Variants in TBX3 observed in about 807,000 individuals in gnomAD.
The protein encoded by TBX3 is T-box transcription factor 3, also known as T-box transcription factor TBX3.
Under a neutral mutation model 47.8 loss-of-function variants are expected in TBX3, and 11 were observed. The ratio of observed to expected loss-of-function variants is 0.23; its 90% CI spans 0.14 to 0.38. The LOEUF (loss-of-function observed/expected upper bound fraction) is 0.38. Among genes scored for constraint, TBX3 ranks in the 10% least tolerant of loss-of-function variants. The pLI is 1.00. For synonymous variants in TBX3, 500 were observed against 449.3 expected, an observed-to-expected ratio of 1.11 and a Z score of -1.43; for missense variants, 927 against 1,022.8, an observed-to-expected ratio of 0.91 and a Z score of 1.28.
Position 114,682,923 on chromosome 12 carries a change from A to T in TBX3, c.278T>A (p.Met93Lys), listed in dbSNP as rs1869002691. 4 of 1,614,016 alleles carry T rather than the reference A, an allele frequency of 2.5e-6. No individual in the cohort carries two copies. In the East Asian group the frequency reaches 8.9e-5, roughly 36 times the overall value. Residue 93 changes from methionine to lysine, a missense_variant, in exon 1 of 7, where the codon ATG becomes AAG. Physicochemically the swap from Met to Lys is moderately conservative, Grantham distance 95. This residue lies in a region of TBX3 where 216 missense variants were observed against 281.2 expected (regional missense o/e 0.77). Coordinates refer to ENST00000349155, the MANE Select transcript of TBX3 (RefSeq NM_005996.4). ...PQAHLRPLKT[M>K]EPEEEVEDDP... is the part of the protein sequence containing the mutation. ...GTCCTCCACCTCTTCTTCGGGCTCCATGGTCTTCAAAGGCCTCAGATGCGC... is the reference window on the plus strand; with the variant it reads ...GTCCTCCACCTCTTCTTCGGGCTCCTTGGTCTTCAAAGGCCTCAGATGCGC...
intron 6 of TBX3, among the ~76,000 whole-genome samples, chr12:114,672,671 A>G (rs1470332434): frequency 6.6e-6 from 1 of 152,100 alleles, no homozygotes; most frequent in Non-Finnish European, 1.5e-5. Flanking sequence ...CAGTGTGTGC[A>G]GCCCCCAGGA....
In TBX3 at chr12:114,674,216, C is replaced by T. The variant is rs768293237; in HGVS notation, c.1659G>A (p.Ala553=). The change falls in exon 6 of 7, where the codon GCG becomes GCA. Residue 553 remains alanine (A), a synonymous_variant. Transcript: ENST00000349155. ...SAAAAQGLSG[A]SAATLPFHLQ... is the part of the protein sequence containing the mutation. ...GGTGGAAGGGCAGGGTGGCCGCGGA[C>T]GCCCCGGACAGTCCCTGCGCCGCAG... 7 of 1,578,858 alleles carry T rather than the reference C, an allele frequency of 4.4e-6. No individual in the cohort carries two copies. Among genetic ancestry groups the T allele is most frequent in the Non-Finnish European group, 6.0e-6 (7 of 1,163,610 alleles).
chr12:114,684,071 G>GGAGAGA lies in TBX3; in HGVS notation c.-877_-872dup, dbSNP rs57078153. On this transcript the variant is annotated 5_prime_UTR_variant, in exon 1 of 7. Coordinates refer to ENST00000349155, the MANE Select transcript of TBX3 (RefSeq NM_005996.4). ...TGGAACAGAGGGAAAGAGAGGGAGG[G>GGAGAGA]GAGAGAGAGAGAGAGAGAGAGAGAC... 0.029 allele frequency: 6,339 copies of GGAGAGA among 220,928 alleles called. 83 individuals carry two copies. Among genetic ancestry groups the GGAGAGA allele is most frequent in the Admixed American group, 0.051 (870 of 17,032 alleles). 13.7% of individuals were successfully genotyped at this position (220,928 alleles called of 1,614,324 possible).
Position 114,674,558 on chromosome 12 carries a change from G to T in TBX3, c.1317C>A (p.Arg439=), listed in dbSNP as rs1162533759. 2 of 1,561,250 alleles carry T rather than the reference G, an allele frequency of 1.3e-6. No homozygotes were observed. The highest frequency in any genetic ancestry group is 3.7e-5 in the Admixed American group (2 of 53,594). The change falls in exon 6 of 7, where the codon CGC becomes CGA. Residue 439 remains arginine (R), a synonymous_variant. Transcript: ENST00000349155. The part of the protein sequence containing the change: ...LGAEERRSPV[R]EGTAPAKVEE... ...CCACCTTGGCCGGCGCTGTGCCCTC[G>T]CGAACCGGGCTCCTGCGCTCCTCCG...
At position 114,671,782 on chromosome 12, in the gene TBX3, C is replaced by T. The variant is rs1036658223; in HGVS notation, c.*59G>A. 3 of 1,542,798 alleles carry T rather than the reference C, an allele frequency of 1.9e-6. No homozygotes were observed. The highest frequency in any genetic ancestry group is 2.0e-5 in the Admixed American group (1 of 51,004). On this transcript the variant is annotated 3_prime_UTR_variant, in exon 7 of 7. Coordinates refer to ENST00000349155, the MANE Select transcript of TBX3 (RefSeq NM_005996.4). Reference sequence around the variant, plus strand: ...GCGGGCCCGTGGTTTATTTTATATCCGACAAAGTGCACGGCAGCCTGAACT... The same window carrying T: ...GCGGGCCCGTGGTTTATTTTATATCTGACAAAGTGCACGGCAGCCTGAACT...
Position 114,679,609 on chromosome 12 carries a change from T to C in TBX3, c.700A>G (p.Ile234Val), listed in dbSNP as rs117465019. The part of the protein sequence containing the change: ...SMHKYQPRFH[I>V]VRANDILKLP... ...TTCAAGATGTCATTGGCTCTTACAA[T>C]GTGGAACCGGGGCTGGTATTTGTGC... Residue 234 changes from isoleucine (I) to valine (V), a missense_variant, in exon 3 of 7, where the codon ATT becomes GTT. Around this residue, in one of 5 missense-constraint regions of TBX3, gnomAD observed 38 missense variants for 77.7 expected, o/e 0.49. Coordinates refer to ENST00000349155, the MANE Select transcript of TBX3 (RefSeq NM_005996.4). 2.7e-4 allele frequency: 439 copies of C among 1,614,150 alleles called. No individual in the cohort carries two copies. Among genetic ancestry groups the C allele is most frequent in the Non-Finnish European group, 3.6e-4 (422 of 1,180,008 alleles).
At position 114,671,847 on chromosome 12, in the gene TBX3, G is replaced by C; in HGVS notation, c.2166C>G (p.Ser722=). 1 of 1,555,988 alleles carries C rather than the reference G, an allele frequency of 6.4e-7. No individual in the cohort carries two copies. The highest frequency in any genetic ancestry group is 8.7e-7 in the Non-Finnish European group (1 of 1,150,340). Residue 722 remains serine (S), a synonymous_variant, in exon 7 of 7, where the codon TCC becomes TCG. Transcript: ENST00000349155. ...EAKPDRSRSA[S]P is the part of the protein sequence containing the mutation. The stretch of plus-strand genomic sequence containing the variant: ...AGACGTGTCTGGGACGGGTCTACGG[G>C]GACGCGCTGCGGGACCTGTCCGGCT...
rs752349874 is a variant in TBX3 at position 114,679,673 on chromosome 12, G to A, written c.658-22C>T. 12 of 1,614,008 alleles carry A rather than the reference G, an allele frequency of 7.4e-6. No individual in the cohort carries two copies. The Admixed American group carries it at 8.3e-5, about 11-fold the overall frequency. ...TAGTCTGCAGGGGCAGGGAAGAGGA[G>A]ACATACATAAAACAAGGATTTAGCA... On this transcript the variant is annotated intron_variant, in intron 2 of 6. Coordinates refer to ENST00000349155, the MANE Select transcript of TBX3 (RefSeq NM_005996.4).
rs753940578 is a variant in TBX3, at chr12:114,672,282, G to A, written c.1731C>T (p.Phe577=). Residue 577 remains phenylalanine, a synonymous_variant, in exon 7 of 7, where the codon TTC becomes TTT. Transcript: ENST00000349155. The part of the protein sequence containing the change: ...LASQGLAMSP[F]GSLFPYPYTY... ...TGTAGGGGTAAGGGAACAGGCTTCC[G>A]AAAGGGGACATGGCCAGGCCCTGGG... 1 of 1,569,134 alleles carries A rather than the reference G, an allele frequency of 6.4e-7. No individual in the cohort carries two copies. Among genetic ancestry groups the A allele is most frequent in the Admixed American group, 1.9e-5 (1 of 52,774 alleles).
chr12:114,672,307 G>A lies in TBX3; in HGVS notation c.1711-5C>T. ...GAAAGGGGACATGGCCAGGCCCTGGGGTGAGAAAAGAGACACACAGCGAGT... is the reference window on the plus strand; with the variant it reads ...GAAAGGGGACATGGCCAGGCCCTGGAGTGAGAAAAGAGACACACAGCGAGT... On this transcript the variant is annotated splice_region_variant and splice_polypyrimidine_tract_variant and intron_variant, in intron 6 of 6. Coordinates refer to ENST00000349155, the MANE Select transcript of TBX3 (RefSeq NM_005996.4). 6.5e-7 allele frequency: 1 copy of A among 1,539,078 alleles called. No homozygotes were observed. Among genetic ancestry groups the A allele is most frequent in the Non-Finnish European group, 8.7e-7 (1 of 1,145,652 alleles).
Position 114,683,070 on chromosome 12 carries a change from A to G in TBX3, c.131T>C (p.Leu44Pro), listed in dbSNP as rs1869014259. 1 of 1,609,980 alleles carries G rather than the reference A, an allele frequency of 6.2e-7. No individual in the cohort carries two copies. The highest frequency in any genetic ancestry group is 8.5e-7 in the Non-Finnish European group (1 of 1,177,460). The change falls in exon 1 of 7, where the codon CTG becomes CCG. Residue 44 changes from leucine (L) to proline (P), a missense_variant. Around this residue, in one of 5 missense-constraint regions of TBX3, gnomAD observed 216 missense variants for 281.2 expected, o/e 0.77. Coordinates refer to ENST00000349155, the MANE Select transcript of TBX3 (RefSeq NM_005996.4). This position sits in a 1 kb window ranked among gnomAD's most constrained non-coding sequence, Gnocchi z 7.7. ...LGHQPPFFPA[L>P]TLPPNGAAAL... Reference sequence around the variant, plus strand: ...CGCCGCGCCGTTGGGAGGCAGCGTCAGCGCGGGGAAGAACGGCGGCTGGTG... The same window carrying G: ...CGCCGCGCCGTTGGGAGGCAGCGTCGGCGCGGGGAAGAACGGCGGCTGGTG...
At chr12:114,673,714 A>G (rs1868558006) in intron 6 of TBX3, among the ~76,000 whole-genome samples, 1 of 152,218 alleles carries the variant, frequency 6.6e-6, no homozygotes, top group Non-Finnish European at 1.5e-5. Flanking sequence ...CCCTGGAGTC[A>G]GATAGCCTGG....
chr12:114,674,946 A>C (rs1459552990), intron 5 of TBX3, 111 bp from the exon 6 acceptor site: 1 of 1,403,544 alleles, frequency 7.1e-7, no homozygotes, highest in Admixed American at 2.0e-5. Context: ...GTGGCTGTGT[A>C]ATCCCGGGGA....
chr12:114,679,971 G>A (rs1415906300), intron 2 of TBX3: 1 of 1,613,978 alleles, frequency 6.2e-7, no homozygotes, highest in Admixed American at 1.7e-5. Context: ...GAAGGCCAAA[G>A]TCTTAAAAGA....
intron 5 of TBX3, among the ~76,000 whole-genome samples, chr12:114,675,633 AGTGTGTGTGTGT>A (rs3068612): frequency 0.14 from 21,325 of 149,982 alleles, 1,544 homozygotes; most frequent in Non-Finnish European, 0.15. Flanking sequence ...TCCCGTTGAG[AGTGTGTGTGTGT>A]GTGTGTGTGT....
chr12:114,672,323 C>G (rs1243827803), intron 6 of TBX3, 21 bp from the exon 7 acceptor site: 2 of 1,512,456 alleles, frequency 1.3e-6, no homozygotes, highest in African/African-American at 2.8e-5. Flanking sequence ...AAAAGAGACA[C>G]ACAGCGAGTC....
rs780056112 is a variant in TBX3 at position 114,671,339 on chromosome 12, T to C, written c.*502A>G. The stretch of plus-strand genomic sequence containing the variant: ...CCCCAAACAAAGCTGCTCAGTAATT[T>C]ATTGAGAACCGATAATGCAAGTCCC... On this transcript the variant is annotated 3_prime_UTR_variant, in exon 7 of 7. Coordinates refer to ENST00000349155, the MANE Select transcript of TBX3 (RefSeq NM_005996.4). 30 of 243,344 alleles carry C rather than the reference T, an allele frequency of 1.2e-4. No homozygotes were observed. Among genetic ancestry groups the C allele is most frequent in the Non-Finnish European group, 1.9e-4 (24 of 123,836 alleles). 15.1% of individuals were successfully genotyped at this position (243,344 alleles called of 1,614,324 possible). A position where few individuals can be genotyped will look rare whatever the true frequency, so the allele number is the denominator to read the frequency against.
intron 5 of TBX3, among the ~76,000 whole-genome samples, chr12:114,675,522 C>T (rs533066189): frequency 5.3e-5 from 8 of 152,262 alleles, no homozygotes; most frequent in East Asian, 3.9e-4. Flanking sequence ...GTGGGTGTTC[C>T]ACCAGAAGAA....
At position 114,671,126 on chromosome 12, in the gene TBX3, G is replaced by C. The variant is rs886049005; in HGVS notation, c.*715C>G. ...CTTGGGTCACTGATTTGAGGGCAAA[G>C]GATTGGGAAAAGGGTAGGGGGCTAT... On this transcript the variant is annotated 3_prime_UTR_variant, in exon 7 of 7. Coordinates refer to ENST00000349155, the MANE Select transcript of TBX3 (RefSeq NM_005996.4). The C allele has an allele frequency of 9.5e-6, 2 of 211,190 alleles. No homozygotes were observed. Among genetic ancestry groups the C allele is most frequent in the Non-Finnish European group, 1.9e-5 (2 of 104,252 alleles). 13.1% of individuals were successfully genotyped at this position (211,190 alleles called of 1,614,324 possible). A position where few individuals can be genotyped will look rare whatever the true frequency, so the allele number is the denominator to read the frequency against.
Sources: gnomAD v4.1 joint callset for allele counts (sites outside exome capture counted in the v4.1 genomes callset) on GRCh38, gnomAD v4.1.1 for gene constraint, gnomAD v4.1.1 regional missense constraint, Gnocchi (gnomAD v3.1) non-coding constraint, MANE v1.5 for transcripts, NCBI Gene and HGNC (gene_info 2026-07-23, HGNC 2026-07-21) for gene names.